Variants in DNAH11 observed in about 807,000 individuals in gnomAD.
The protein encoded by DNAH11 is dynein axonemal heavy chain 11, also known as axonemal beta dynein heavy chain 11.
DNAH11 carries 442 observed loss-of-function variants against 526.0 expected under a neutral mutation model. The ratio of observed to expected loss-of-function variants is 0.84; its 90% CI spans 0.78 to 0.91. The LOEUF (loss-of-function observed/expected upper bound fraction) is 0.91, where lower values mean the gene tolerates loss of function less well. Among genes scored for constraint, DNAH11 ranks in the 40% least tolerant of loss-of-function variants. The probability of loss-of-function intolerance (pLI) is 0.00; values close to 1 mark genes in which losing one functional copy is unlikely to be tolerated. For missense variants in DNAH11, 6,989 were observed against 5,448.7 expected (o/e 1.28, Z -8.90); for synonymous variants, 2,461 against 1,935.9 (o/e 1.27, Z -7.12).
Position 21,890,761 on chromosome 7 carries a change from A to G in DNAH11, c.12508-1664A>G, listed in dbSNP as rs1012615592. Among the ~76,000 whole-genome samples, 7 of 152,302 alleles carry G rather than the reference A, an allele frequency of 4.6e-5. 1 individual carries two copies. The highest frequency in any genetic ancestry group is 4.6e-4 in the Admixed American group (7 of 15,288). On this transcript the variant is annotated intron_variant, in intron 76 of 81. Coordinates refer to ENST00000409508, the MANE Select transcript of DNAH11 (RefSeq NM_001277115.2). ...ATTTAAATTTTCATTATTCTTATAT[A>G]TAAACATGAAATGATACAAATGTGA...
At chr7:21,669,724 T>C (rs1174369823) in intron 30 of DNAH11, among the ~76,000 whole-genome samples, 2 of 151,998 alleles carry the variant, frequency 1.3e-5, no homozygotes, top group African/African-American at 4.8e-5. Context: ...TGAAAATATA[T>C]TTCTGTTTCT....
chr7:21,591,901 G>A (rs138307499), intron 14 of DNAH11, among the ~76,000 whole-genome samples: 32 of 152,186 alleles, frequency 2.1e-4, no homozygotes, highest in African/African-American at 7.0e-4. Context: ...TGACTGCCTC[G>A]TATGTGCCAA....
chr7:21,898,939 C>T (rs1438858233), intron 79 of DNAH11, among the ~76,000 whole-genome samples: 1 of 152,208 alleles, frequency 6.6e-6, no homozygotes, highest in Non-Finnish European at 1.5e-5. Context: ...TTGTAACCAC[C>T]ATCACAGCCT....
intron 30 of DNAH11, among the ~76,000 whole-genome samples, chr7:21,666,056 C>T (rs1002259428): frequency 5.3e-5 from 8 of 152,076 alleles, no homozygotes; most frequent in African/African-American, 1.9e-4. Flanking sequence ...AATTTTAAAA[C>T]TGGTATCAGA....
chr7:21,730,978 T>G (rs1414130204), intron 45 of DNAH11, among the ~76,000 whole-genome samples: 12 of 152,198 alleles, frequency 7.9e-5, no homozygotes, highest in African/African-American at 2.7e-4. Context: ...ACCCGGTCTC[T>G]ACTAAAAATA....
At chr7:21,627,620 C>G (rs1265160613) in intron 25 of DNAH11, among the ~76,000 whole-genome samples, 1 of 152,096 alleles carries the variant, frequency 6.6e-6, no homozygotes, top group Non-Finnish European at 1.5e-5. Flanking sequence ...GGTCTCTATT[C>G]TGTTCCATTG....
At chr7:21,802,052 A>G (rs1175506930) in intron 62 of DNAH11, among the ~76,000 whole-genome samples, 1 of 152,228 alleles carries the variant, frequency 6.6e-6, no homozygotes, top group Non-Finnish European at 1.5e-5. Flanking sequence ...TGTATCTAAA[A>G]CAGGGATGTG....
intron 8 of DNAH11, among the ~76,000 whole-genome samples, chr7:21,581,185 A>G (rs987145050): frequency 6.6e-6 from 1 of 152,210 alleles, no homozygotes. Context: ...CCTTTTGACT[A>G]TGAAGCACCA....
intron 62 of DNAH11, among the ~76,000 whole-genome samples, chr7:21,803,559 A>G (rs1033677125): frequency 9.9e-5 from 15 of 152,056 alleles, no homozygotes; most frequent in Non-Finnish European, 2.2e-4. Flanking sequence ...TTCTTTAGTC[A>G]GAACTAGATA....
rs189396950 is a variant in DNAH11, at chr7:21,600,146, G to C, written c.3000+27G>C. 24 of 1,497,820 alleles carry C rather than the reference G, an allele frequency of 1.6e-5. No individual in the cohort carries two copies. The East Asian group carries it at 3.7e-4, about 23-fold the overall frequency. 92.8% of individuals were successfully genotyped at this position (1,497,820 alleles called of 1,614,324 possible). Reference sequence around the variant, plus strand: ...TATTTTCTTAGTAAATGGGTATTTAGCTTTTATATTAATGATTCAAAAACA... The same window carrying C: ...TATTTTCTTAGTAAATGGGTATTTACCTTTTATATTAATGATTCAAAAACA... On this transcript the variant is annotated intron_variant, in intron 15 of 81. Transcript: ENST00000409508.
intron 2 of DNAH11, among the ~76,000 whole-genome samples, chr7:21,557,900 C>G (rs181778152): frequency 7.2e-4 from 110 of 152,248 alleles, no homozygotes; most frequent in African/African-American, 2.6e-3. Flanking sequence ...GTACTAATCT[C>G]TGTATTACTA....
At chr7:21,870,026 T>A (rs1179659451) in intron 73 of DNAH11, among the ~76,000 whole-genome samples, 3 of 152,176 alleles carry the variant, frequency 2.0e-5, no homozygotes, top group African/African-American at 7.2e-5. Flanking sequence ...AAGGTTCTCG[T>A]CAGTAGGCAA....
At chr7:21,879,314 G>A (rs549429591) in intron 74 of DNAH11, among the ~76,000 whole-genome samples, 9 of 152,044 alleles carry the variant, frequency 5.9e-5, no homozygotes, top group African/African-American at 1.7e-4. Context: ...AAAATTAGCC[G>A]GGCATGGTGG....
intron 65 of DNAH11, among the ~76,000 whole-genome samples, chr7:21,833,290 A>G (rs1346792407): frequency 6.6e-6 from 1 of 152,236 alleles, no homozygotes; most frequent in South Asian, 2.1e-4. Context: ...CAAGTGAGGA[A>G]ATATTCAAAC....
chr7:21,833,304 C>T (rs996394836), intron 65 of DNAH11, among the ~76,000 whole-genome samples: 38 of 152,106 alleles, frequency 2.5e-4, no homozygotes, highest in African/African-American at 8.9e-4. Context: ...TTCAAACAAC[C>T]TGAAATGATA....
rs1016139987 is a variant in DNAH11, at chr7:21,543,518, G to C, written c.273G>C (p.Gly91=). The C allele has an allele frequency of 3.1e-6, 5 of 1,609,600 alleles. No homozygotes were observed. Among genetic ancestry groups the C allele is most frequent in the Non-Finnish European group, 4.2e-6 (5 of 1,178,016 alleles). Residue 91 remains glycine (G), a synonymous_variant, in exon 1 of 82, where the codon GGG becomes GGC. Coordinates refer to ENST00000409508, the MANE Select transcript of DNAH11 (RefSeq NM_001277115.2). ...LESEDNRQVL[G]EFLESTSPAC... ...GCGAGGACAACCGGCAGGTTCTTGG[G>C]GAGTTTCTGGAAAGCACCAGCCCGG...
At chr7:21,659,273 T>C in intron 30 of DNAH11, among the ~76,000 whole-genome samples, 1 of 149,046 alleles carries the variant, frequency 6.7e-6, no homozygotes, top group Non-Finnish European at 1.5e-5. Flanking sequence ...ATAGCACTCA[T>C]ACTAGATACT....
intron 32 of DNAH11, 123 bp from the exon 33 acceptor site, chr7:21,686,976 T>C: frequency 1.3e-6 from 1 of 795,494 alleles, no homozygotes; most frequent in Non-Finnish European, 1.8e-6. Context: ...CAGAAGTATA[T>C]CAGTATTTTA....
At chr7:21,667,777 A>T (rs1186863873) in intron 30 of DNAH11, among the ~76,000 whole-genome samples, 1 of 152,154 alleles carries the variant, frequency 6.6e-6, no homozygotes, top group Non-Finnish European at 1.5e-5. Flanking sequence ...CTGTGTACGT[A>T]TGTGATTTTT....
Sources: allele counts gnomAD v4.1 joint callset (sites outside exome capture counted in the v4.1 genomes callset), GRCh38; gene constraint gnomAD v4.1.1; transcripts MANE v1.5; gene names NCBI Gene and HGNC (gene_info 2026-07-23, HGNC 2026-07-21).